The following SAMD7 variants were observed in gnomAD, a reference collection of about 807,000 sequenced individuals.
The protein encoded by SAMD7 is sterile alpha motif domain containing 7.
SAMD7 carries 34 observed loss-of-function variants against 36.7 expected under a neutral mutation model. That is an observed-to-expected ratio of 0.93 (90% CI 0.71 to 1.23). The LOEUF is 1.23. SAMD7 is among the 50% of genes most tolerant of loss of function. The probability of loss-of-function intolerance (pLI) is 0.00; values close to 1 mark genes in which losing one functional copy is unlikely to be tolerated. For synonymous variants in SAMD7, 188 were observed against 189.7 expected, an observed-to-expected ratio of 0.99 and a Z score of 0.07; for missense variants, 570 against 546.6, an observed-to-expected ratio of 1.04 and a Z score of -0.43.
intron 5 of SAMD7, 68 bp from the exon 6 acceptor site, chr3:169,926,485 A>AG: frequency 6.9e-7 from 1 of 1,450,686 alleles, no homozygotes. Context: ...AGGGAAGACA[A>AG]GGGGTCATTA....
At chr3:169,920,686 G>T (rs11715229) in intron 3 of SAMD7, among the ~76,000 whole-genome samples, 11,038 of 151,838 alleles carry the variant, frequency 0.073, 410 homozygotes, top group Middle Eastern at 0.14. Flanking sequence ...TTTGTTTTTT[G>T]TTGTTGTTGT....
Position 169,919,552 on chromosome 3 carries a change from C to T in SAMD7, c.54C>T (p.Ile18=), listed in dbSNP as rs151002058. ...CAGGGCAGCAGACAATCCCACTGATCCCCTCACCATTTGGGCCTCCAACTG... is the reference window on the plus strand; with the variant it reads ...CAGGGCAGCAGACAATCCCACTGATTCCCTCACCATTTGGGCCTCCAACTG... ...TPTGQQTIPL[I]PSPFGPPTVD... is the part of the protein sequence containing the mutation. Residue 18 remains isoleucine (I), a synonymous_variant, in exon 3 of 9, where the codon ATC becomes ATT. Coordinates refer to ENST00000335556, the MANE Select transcript of SAMD7 (RefSeq NM_001304366.2). 1.9e-6 allele frequency: 3 copies of T among 1,614,012 alleles called. No individual in the cohort carries two copies. The highest frequency in any genetic ancestry group is 2.2e-5 in the East Asian group (1 of 44,902).
chr3:169,914,171 T>C (rs1328457417), intron 1 of SAMD7, among the ~76,000 whole-genome samples: 1 of 152,144 alleles, frequency 6.6e-6, no homozygotes, highest in Non-Finnish European at 1.5e-5. Flanking sequence ...ATGCAGGATG[T>C]TGATAGTGAG....
Position 169,921,207 on chromosome 3 carries a change from T to G in SAMD7, c.87-7T>G. On this transcript the variant is annotated splice_region_variant and splice_polypyrimidine_tract_variant and intron_variant, in intron 3 of 8. Transcript: ENST00000335556. ...ACCTATTTTATTTTATATCTTTTTG[T>G]TCTCAGAGATGTATTGCCTTCCACC... 6.2e-7 allele frequency: 1 copy of G among 1,613,498 alleles called. No homozygotes were observed. The highest frequency in any genetic ancestry group is 8.5e-7 in the Non-Finnish European group (1 of 1,179,430).
Position 169,927,103 on chromosome 3 carries a change from G to A in SAMD7, c.841G>A (p.Glu281Lys), listed in dbSNP as rs1478521013. Residue 281 changes from glutamate to lysine, a missense_variant, in exon 6 of 9, where the codon GAG (glutamate) becomes AAG (lysine). By Grantham distance (56) the Glu-to-Lys change is moderately conservative (BLOSUM62 1). Transcript: ENST00000335556. ...AAAGGCCTGGGACGATGGGAAAGAG[G>A]AGGCTTCGGAGCAGATTTTTGCAAC... Reference protein sequence around the residue: ...KAKAWDDGKEEASEQIFATCD... With the variant: ...KAKAWDDGKEKASEQIFATCD... 2 of 1,590,058 alleles carry A rather than the reference G, an allele frequency of 1.3e-6. No individual in the cohort carries two copies. The highest frequency in any genetic ancestry group is 1.7e-6 in the Non-Finnish European group (2 of 1,173,208).
rs75265283 is a variant in SAMD7 at position 169,922,946 on chromosome 3, G to A, written c.211+1608G>A. Among the ~76,000 whole-genome samples, 1,237 of 152,318 alleles carry A rather than the reference G, an allele frequency of 8.1e-3. 21 individuals carry two copies. Among genetic ancestry groups the A allele is most frequent in the Non-Finnish European group, 7.7e-3 (525 of 68,036 alleles). On this transcript the variant is annotated intron_variant, in intron 4 of 8. Coordinates refer to ENST00000335556, the MANE Select transcript of SAMD7 (RefSeq NM_001304366.2). ...ATCATTAGATTTAGCGCCATGTGGC[G>A]GTCATCAGAGATTTTGATGTGAGCA...
chr3:169,921,879 A>C (rs985493542), intron 4 of SAMD7, among the ~76,000 whole-genome samples: 1 of 152,242 alleles, frequency 6.6e-6, no homozygotes, highest in Non-Finnish European at 1.5e-5. Flanking sequence ...AGATTATGAC[A>C]GCTTGGTCAT....
At chr3:169,923,840 A>T (rs1174306145) in intron 4 of SAMD7, among the ~76,000 whole-genome samples, 1 of 152,244 alleles carries the variant, frequency 6.6e-6, no homozygotes, top group Non-Finnish European at 1.5e-5. Context: ...AAACTAAGAC[A>T]GGGATCTGTT....
chr3:169,928,589 G>GT lies in SAMD7; in HGVS notation c.1041+14dup. 1.2e-6 allele frequency: 2 copies of GT among 1,610,808 alleles called. No individual in the cohort carries two copies. The highest frequency in any genetic ancestry group is 1.7e-6 in the Non-Finnish European group (2 of 1,178,452). ...TCAGACTATGCTCAGGTGACTTAAT[G>GT]TTTAAGTATTTCCATACAAGAAAAA... is the stretch of plus-strand genomic sequence containing the variant. On this transcript the variant is annotated intron_variant, in intron 7 of 8. Transcript: ENST00000335556.
intron 4 of SAMD7, among the ~76,000 whole-genome samples, chr3:169,922,643 G>A (rs58645139): frequency 0.04 from 6,151 of 152,246 alleles, 376 homozygotes; most frequent in African/African-American, 0.13. Context: ...GGGATTACAG[G>A]TGTGCGCCAC....
At chr3:169,922,415 C>A (rs2108258921) in intron 4 of SAMD7, among the ~76,000 whole-genome samples, 1 of 152,222 alleles carries the variant, frequency 6.6e-6, no homozygotes, top group Non-Finnish European at 1.5e-5. Context: ...AGCATGGTGG[C>A]CTGGAGGCCA....
intron 7 of SAMD7, chr3:169,932,161 C>T (rs1041767824): frequency 6.7e-6 from 4 of 601,044 alleles, no homozygotes; most frequent in Non-Finnish European, 1.2e-5. Context: ...GTGGATGGAG[C>T]TGTCACCCAA....
intron 4 of SAMD7, among the ~76,000 whole-genome samples, chr3:169,922,549 G>T (rs538992000): frequency 1.3e-5 from 2 of 152,168 alleles, no homozygotes; most frequent in Admixed American, 1.3e-4. Flanking sequence ...GCCCAGGCTG[G>T]AGTGCAATGG....
intron 6 of SAMD7, among the ~76,000 whole-genome samples, chr3:169,927,507 G>A (rs1713327865): frequency 6.6e-6 from 1 of 151,890 alleles, no homozygotes; most frequent in Non-Finnish European, 1.5e-5. Context: ...ATGTTGGCCA[G>A]GATGGTCTCA....
At chr3:169,933,203 G>A (rs1713586906) in intron 7 of SAMD7, 2 of 658,346 alleles carry the variant, frequency 3.0e-6, no homozygotes, top group Non-Finnish European at 5.7e-6. Context: ...ACACTGTATG[G>A]TAGAAGACAC....
chr3:169,913,307 G>A (rs1712676621), intron 1 of SAMD7, among the ~76,000 whole-genome samples: 1 of 152,142 alleles, frequency 6.6e-6, no homozygotes, highest in Admixed American at 6.5e-5. Context: ...AAATTGCACT[G>A]ATTTTAATGA....
At chr3:169,921,437 G>C in intron 4 of SAMD7, 99 bp downstream of exon 4, 1 of 1,227,516 alleles carries the variant, frequency 8.1e-7, no homozygotes, top group Non-Finnish European at 1.2e-6. Context: ...TTTGGAGGCA[G>C]ATCTGTGTGG....
At chr3:169,912,176 C>T (rs909616837) in intron 1 of SAMD7, among the ~76,000 whole-genome samples, 1 of 152,150 alleles carries the variant, frequency 6.6e-6, no homozygotes, top group Non-Finnish European at 1.5e-5. Flanking sequence ...GTACCTACCT[C>T]TATGTATTAC....
At chr3:169,928,817 C>T (rs1713375399) in intron 7 of SAMD7, among the ~76,000 whole-genome samples, 1 of 152,084 alleles carries the variant, frequency 6.6e-6, no homozygotes, top group African/African-American at 2.4e-5. Flanking sequence ...TCTTTCCTAT[C>T]AAGACTCCTA....
Sources: gnomAD v4.1 joint callset for allele counts (sites outside exome capture counted in the v4.1 genomes callset) on GRCh38, gnomAD v4.1.1 for gene constraint, MANE v1.5 for transcripts, NCBI Gene and HGNC (gene_info 2026-07-23, HGNC 2026-07-21) for gene names.